STIMATE: variants seen among roughly 807,000 people sequenced by gnomAD.
The protein encoded by STIMATE is store-operated calcium entry regulator STIMATE.
Under a neutral mutation model 36.7 loss-of-function variants are expected in STIMATE, and 15 were observed. The ratio of observed to expected loss-of-function variants is 0.41; its 90% confidence interval spans 0.27 to 0.63. The LOEUF is 0.63. STIMATE is among the 20% of genes least tolerant of loss of function. The probability of loss-of-function intolerance (pLI) is 0.32; values close to 1 mark genes in which losing one functional copy is unlikely to be tolerated. For synonymous variants in STIMATE, 163 were observed against 162.3 expected (o/e 1.00, Z -0.03); for missense variants, 305 against 397.3 (o/e 0.77, Z 1.98).
At chr3:52,882,768 C>A (rs993947007) in intron 1 of STIMATE, among the ~76,000 whole-genome samples, 11 of 152,126 alleles carry the variant, frequency 7.2e-5, no homozygotes, top group African/African-American at 2.2e-4. Flanking sequence ...AATGAGGAGT[C>A]TGCTAACAAG....
chr3:52,849,940 C>G, intron 3 of STIMATE, 27 bp from the exon 4 acceptor site: 1 of 1,606,256 alleles, frequency 6.2e-7, no homozygotes, highest in South Asian at 1.1e-5. Flanking sequence ...CATGCATGGT[C>G]ACGGCAGAAG....
At chr3:52,880,056 A>G (rs946755582) in intron 1 of STIMATE, among the ~76,000 whole-genome samples, 1 of 152,238 alleles carries the variant, frequency 6.6e-6, no homozygotes, top group African/African-American at 2.4e-5. Flanking sequence ...GAGAATCAGC[A>G]TGCTCTGGCC....
intron 1 of STIMATE, among the ~76,000 whole-genome samples, chr3:52,870,530 C>A (rs1443171216): frequency 6.6e-6 from 1 of 151,790 alleles, no homozygotes; most frequent in Admixed American, 6.6e-5. Context: ...ACAACCTGGG[C>A]CCACAGGAGA....
At chr3:52,875,278 G>A (rs994413433) in intron 1 of STIMATE, among the ~76,000 whole-genome samples, 3 of 152,172 alleles carry the variant, frequency 2.0e-5, no homozygotes, top group Non-Finnish European at 4.4e-5. Flanking sequence ...CCAAAGAACT[G>A]ACCTTCACTG....
intron 1 of STIMATE, among the ~76,000 whole-genome samples, chr3:52,865,327 C>T (rs1377404409): frequency 6.6e-6 from 1 of 152,196 alleles, no homozygotes; most frequent in Non-Finnish European, 1.5e-5. Context: ...CCAACTTCTG[C>T]CTGATACCCA....
rs71615872 is a variant in STIMATE at position 52,864,952 on chromosome 3, CT to C, written c.161-9509del. On this transcript the variant is annotated intron_variant, in intron 1 of 7. Coordinates refer to ENST00000355083, the MANE Select transcript of STIMATE (RefSeq NM_198563.5). ...GGCACTCAACAAGTCTCTCTCTTTTCTTTTTTTTTTTTGAGATGGAGTCTTG... is the reference window on the plus strand; with the variant it reads ...GGCACTCAACAAGTCTCTCTCTTTTCTTTTTTTTTTTGAGATGGAGTCTTG... Among the ~76,000 whole-genome samples, 128 of 146,542 alleles carry C rather than the reference CT, an allele frequency of 8.7e-4. 1 individual carries two copies. In the South Asian group the frequency reaches 0.014, roughly 16 times the overall value.
chr3:52,843,199 G>C, intron 6 of STIMATE: 1 of 727,008 alleles, frequency 1.4e-6, no homozygotes, highest in Non-Finnish European at 2.1e-6. Context: ...GGTTTTTGTT[G>C]TGGTAACTAG....
intron 1 of STIMATE, among the ~76,000 whole-genome samples, chr3:52,863,591 T>A (rs993126419): frequency 5.1e-5 from 2 of 39,018 alleles, no homozygotes; most frequent in Non-Finnish European, 6.5e-5. Context: ...AATTATGCCA[T>A]CTTAACAGTC....
At chr3:52,892,848 G>C (rs1350506566) in intron 1 of STIMATE, among the ~76,000 whole-genome samples, 1 of 152,216 alleles carries the variant, frequency 6.6e-6, no homozygotes, top group Non-Finnish European at 1.5e-5. Flanking sequence ...GAATGTACAT[G>C]AAACATACAG....
At chr3:52,840,854 T>G (rs1198451121) in intron 7 of STIMATE, among the ~76,000 whole-genome samples, 1 of 152,116 alleles carries the variant, frequency 6.6e-6, no homozygotes, top group African/African-American at 2.4e-5. Context: ...CGTGGCACCA[T>G]GCCTGGTTCG....
At position 52,840,502 on chromosome 3, in the gene STIMATE, G is replaced by C; in HGVS notation, c.877C>G (p.Pro293Ala). ...CCCAGCATGGGAATGTGTCATACGG[G>C]TAGCCCAAAGCGGTGCTTCTTTTTC... ...VKKKKHRFGLPV is the reference protein window; with the variant it reads ...VKKKKHRFGLAV Residue 293 changes from proline to alanine, a missense_variant, in exon 8 of 8, where the codon CCC (proline) becomes GCC (alanine). This residue lies in a region of STIMATE where 84 missense variants were observed against 82.4 expected (regional missense o/e 1.02). Coordinates refer to ENST00000355083, the MANE Select transcript of STIMATE (RefSeq NM_198563.5). 6.2e-7 allele frequency: 1 copy of C among 1,613,820 alleles called. No homozygotes were observed.
At chr3:52,854,365 C>T (rs1701056262) in intron 2 of STIMATE, among the ~76,000 whole-genome samples, 1 of 152,194 alleles carries the variant, frequency 6.6e-6, no homozygotes, top group African/African-American at 2.4e-5. Context: ...CCCTAATCCC[C>T]CACCCTCCAG....
intron 1 of STIMATE, among the ~76,000 whole-genome samples, chr3:52,864,851 CAA>C (rs1199099310): frequency 1.3e-5 from 2 of 152,182 alleles, no homozygotes; most frequent in African/African-American, 4.8e-5. Flanking sequence ...CTCCAGTTCC[CAA>C]CAAGTTCCTC....
chr3:52,896,330 G>A (rs973823112), intron 1 of STIMATE, among the ~76,000 whole-genome samples: 2 of 152,208 alleles, frequency 1.3e-5, no homozygotes, highest in African/African-American at 4.8e-5. Context: ...TGGAATTAAT[G>A]ACTCTGCACA....
Position 52,897,378 on chromosome 3 carries a change from C to T in STIMATE, c.73G>A (p.Gly25Ser), listed in dbSNP as rs1350009305. 4.6e-6 allele frequency: 7 copies of T among 1,517,240 alleles called. No homozygotes were observed. In the South Asian group the frequency reaches 7.2e-5, roughly 16 times the overall value. 94.0% of individuals were successfully genotyped at this position (1,517,240 alleles called of 1,614,324 possible). ...ATGAGCGCGCCGCTCTCGCAGCGGCCCGCCCCGGACGCGACTGTGGAGGGC... is the reference window on the plus strand; with the variant it reads ...ATGAGCGCGCCGCTCTCGCAGCGGCTCGCCCCGGACGCGACTGTGGAGGGC... ...GPPSTVASGAGRCESGALMHS... is the reference protein window; with the variant it reads ...GPPSTVASGASRCESGALMHS... Residue 25 changes from glycine (G) to serine (S), a missense_variant, in exon 1 of 8, where the codon GGC (glycine) becomes AGC (serine). Coordinates refer to ENST00000355083, the MANE Select transcript of STIMATE (RefSeq NM_198563.5).
At chr3:52,847,675 G>T in intron 4 of STIMATE, 1 of 667,424 alleles carries the variant, frequency 1.5e-6, no homozygotes, top group Non-Finnish European at 2.3e-6. Flanking sequence ...TGGAATAACA[G>T]CCCCACACAG....
At chr3:52,856,229 A>G (rs1049535311) in intron 1 of STIMATE, among the ~76,000 whole-genome samples, 3 of 152,196 alleles carry the variant, frequency 2.0e-5, no homozygotes, top group Non-Finnish European at 4.4e-5. Context: ...AACCTCCTGG[A>G]GGAGCGGCAG....
At chr3:52,865,886 G>C (rs1372557733) in intron 1 of STIMATE, among the ~76,000 whole-genome samples, 1 of 152,104 alleles carries the variant, frequency 6.6e-6, no homozygotes, top group African/African-American at 2.4e-5. Context: ...ACAGATCTGT[G>C]TGTGTGTGTG....
At position 52,839,453 on chromosome 3, in the gene STIMATE, A is replaced by C. The variant is rs935494253; in HGVS notation, c.*1041T>G. ...CAGGCAGACTGCACAGGAGTCTGGT[A>C]GTCTTGGGTCCTCTGGAAACAAAGA... On this transcript the variant is annotated 3_prime_UTR_variant, in exon 8 of 8. Transcript: ENST00000355083. 22 of 152,238 alleles carry C rather than the reference A, an allele frequency of 1.4e-4. No individual in the cohort carries two copies. The allele number at this position is 152,238 out of a possible 1,614,324, so 9.4% of individuals were successfully genotyped here.
Sources: gnomAD v4.1 joint callset for allele counts (sites outside exome capture counted in the v4.1 genomes callset) on GRCh38, gnomAD v4.1.1 for gene constraint, gnomAD v4.1.1 regional missense constraint, MANE v1.5 for transcripts, NCBI Gene and HGNC (gene_info 2026-07-23, HGNC 2026-07-21) for gene names.